NSD3: variants seen among roughly 807,000 people sequenced by gnomAD.
NSD3 encodes the protein nuclear receptor binding SET domain protein 3, also known as histone-lysine N-methyltransferase NSD3.
Under a neutral mutation model 160.8 loss-of-function variants are expected in NSD3, and 24 were observed. The ratio of observed to expected loss-of-function variants is 0.15; its 90% CI spans 0.11 to 0.21. The LOEUF (loss-of-function observed/expected upper bound fraction) is 0.21. Among genes scored for constraint, NSD3 ranks in the 10% least tolerant of loss-of-function variants. The pLI is 1.00. For synonymous variants in NSD3, 520 were observed against 600.0 expected (o/e 0.87, Z 1.95); for missense variants, 1,157 against 1,735.9 (o/e 0.67, Z 5.93).
intron 22 of NSD3, 58 bp from the exon 23 acceptor site, chr8:38,276,558 C>T: frequency 6.3e-7 from 1 of 1,577,460 alleles, no homozygotes. Context: ...TGAAGCTGGA[C>T]ACAGGAAAAC....
At chr8:38,379,393 C>T (rs919481469) in intron 1 of NSD3, among the ~76,000 whole-genome samples, 25 of 151,504 alleles carry the variant, frequency 1.7e-4, no homozygotes, top group African/African-American at 5.6e-4. Context: ...AGCTCATGCA[C>T]ACAATTTACC....
intron 2 of NSD3, among the ~76,000 whole-genome samples, chr8:38,340,365 T>C (rs1810332039): frequency 6.6e-6 from 1 of 152,226 alleles, no homozygotes; most frequent in Non-Finnish European, 1.5e-5. Flanking sequence ...GACAGAGTCT[T>C]ACTCTGCTGT....
At chr8:38,327,609 T>C (rs1445854971) in intron 6 of NSD3, among the ~76,000 whole-genome samples, 1 of 152,220 alleles carries the variant, frequency 6.6e-6, no homozygotes, top group Non-Finnish European at 1.5e-5. Context: ...CTAAAAAATA[T>C]ACCTGTATCA....
chr8:38,313,775 G>A (rs542310297), intron 12 of NSD3, among the ~76,000 whole-genome samples: 67 of 143,908 alleles, frequency 4.7e-4, no homozygotes, highest in Non-Finnish European at 8.3e-4. Context: ...GCGACAGAGC[G>A]AGACTCTGTC....
chr8:38,310,843 G>C (rs1371382554), intron 12 of NSD3, among the ~76,000 whole-genome samples: 1 of 151,936 alleles, frequency 6.6e-6, no homozygotes, highest in African/African-American at 2.4e-5. Context: ...TATATACCCA[G>C]AGTGAAATTG....
At chr8:38,331,692 C>T (rs1025480589) in intron 4 of NSD3, 107 bp from the exon 5 acceptor site, 3 of 1,167,800 alleles carry the variant, frequency 2.6e-6, no homozygotes, top group East Asian at 2.4e-5. Context: ...CCCACTAAAA[C>T]TTGTATGTTT....
At chr8:38,354,413 CAG>C (rs1810773161) in intron 1 of NSD3, among the ~76,000 whole-genome samples, 1 of 152,172 alleles carries the variant, frequency 6.6e-6, no homozygotes. Flanking sequence ...AAAGATTAAA[CAG>C]ATATTGTGGA....
intron 1 of NSD3, among the ~76,000 whole-genome samples, chr8:38,367,537 C>A (rs1446521480): frequency 6.6e-6 from 1 of 151,968 alleles, no homozygotes; most frequent in Middle Eastern, 3.2e-3. Flanking sequence ...CATGGTGAAA[C>A]CTTGTCTCTA....
rs190666827 is a variant in NSD3, at chr8:38,322,740, C to G, written c.1709-1568G>C. On this transcript the variant is annotated intron_variant, in intron 7 of 23. Coordinates refer to ENST00000317025, the MANE Select transcript of NSD3 (RefSeq NM_023034.2). Reference sequence around the variant, plus strand: ...TGGGTTTGGAAAATAACTTTGAAATCTAGTGTGAATACAAGTACAGTTCTT... The same window carrying G: ...TGGGTTTGGAAAATAACTTTGAAATGTAGTGTGAATACAAGTACAGTTCTT... Among the ~76,000 whole-genome samples, 5 of 152,256 alleles carry G rather than the reference C, an allele frequency of 3.3e-5. No homozygotes were observed. The East Asian group carries it at 9.6e-4, about 29-fold the overall frequency.
intron 2 of NSD3, among the ~76,000 whole-genome samples, chr8:38,339,836 T>C (rs1460109923): frequency 6.6e-6 from 1 of 152,090 alleles, no homozygotes; most frequent in Non-Finnish European, 1.5e-5. Flanking sequence ...AATCACATTG[T>C]AGAAATTTAT....
intron 1 of NSD3, among the ~76,000 whole-genome samples, chr8:38,352,386 C>T (rs552135132): frequency 1.2e-4 from 19 of 152,288 alleles, no homozygotes; most frequent in African/African-American, 3.4e-4. Context: ...GGATCCAGAG[C>T]GCTCTCATTT....
intron 6 of NSD3, among the ~76,000 whole-genome samples, chr8:38,328,031 G>A (rs1341484899): frequency 6.6e-6 from 1 of 151,932 alleles, no homozygotes; most frequent in Non-Finnish European, 1.5e-5. Flanking sequence ...GTGAGACCCT[G>A]TCTCTACAAA....
Position 38,347,218 on chromosome 8 carries a change from C to A in NSD3, c.675+279G>T, listed in dbSNP as rs527627077. 2.8e-4 allele frequency among the ~76,000 whole-genome samples: 42 copies of A among 152,270 alleles called. No homozygotes were observed. In the East Asian group the frequency reaches 8.1e-3, roughly 29 times the overall value. On this transcript the variant is annotated intron_variant, in intron 2 of 23. Coordinates refer to ENST00000317025, the MANE Select transcript of NSD3 (RefSeq NM_023034.2). ...CTCTTGATTTTCAAAAACCAACAGT[C>A]TATTGTAAGCAAATAAAAATAACCG...
rs906811277 is a variant in NSD3, at chr8:38,288,963, T to C, written c.3232-207A>G. Among the ~76,000 whole-genome samples the C allele has an allele frequency of 1.3e-4, 20 of 152,226 alleles. No homozygotes were observed. The highest frequency in any genetic ancestry group is 4.8e-4 in the African/African-American group (20 of 41,456). On this transcript the variant is annotated intron_variant, in intron 18 of 23. Coordinates refer to ENST00000317025, the MANE Select transcript of NSD3 (RefSeq NM_023034.2). The surrounding 1 kb of genome is among the most constrained non-coding windows in gnomAD (Gnocchi z 4.5). ...AAAGCCTCATGTGAATTTTCACTTA[T>C]TTATCCTGGGTATTTCTACTTTCAC...
intron 12 of NSD3, among the ~76,000 whole-genome samples, chr8:38,312,100 T>C (rs1442099904): frequency 1.3e-5 from 2 of 152,216 alleles, no homozygotes; most frequent in South Asian, 4.1e-4. Context: ...CATTTGACCA[T>C]ATATGCAAGT....
Position 38,271,431 on chromosome 8 carries a change from G to GCC in NSD3, c.*4209_*4210insGG, listed in dbSNP as rs1289588804. 6.6e-6 allele frequency: 1 copy of GCC among 151,938 alleles called. No homozygotes were observed. Among genetic ancestry groups the GCC allele is most frequent in the Non-Finnish European group, 1.5e-5 (1 of 67,976 alleles). 9.4% of individuals were successfully genotyped at this position (151,938 alleles called of 1,614,324 possible). A position where few individuals can be genotyped will look rare whatever the true frequency, so the allele number is the denominator to read the frequency against. On this transcript the variant is annotated 3_prime_UTR_variant, in exon 24 of 24. Coordinates refer to ENST00000317025, the MANE Select transcript of NSD3 (RefSeq NM_023034.2). Reference sequence around the variant, plus strand: ...CTTACCCTTTACCAGGAGAAAGGGGGTTCCCTTTCTCCTGGTACCCCACCC... The same window carrying GCC: ...CTTACCCTTTACCAGGAGAAAGGGGGCCTTCCCTTTCTCCTGGTACCCCACCC...
intron 12 of NSD3, among the ~76,000 whole-genome samples, chr8:38,309,273 G>C (rs962040370): frequency 6.6e-6 from 1 of 152,146 alleles, no homozygotes; most frequent in African/African-American, 2.4e-5. Flanking sequence ...TTCGGGGCTA[G>C]CCTGGCCAAC....
At chr8:38,315,311 CATA>C (rs1809630949) in intron 11 of NSD3, 102 bp downstream of exon 11, 3 of 1,303,618 alleles carry the variant, frequency 2.3e-6, no homozygotes, top group South Asian at 3.7e-5. Flanking sequence ...AAAGTAATAT[CATA>C]ATAATTTGGA....
intron 12 of NSD3, among the ~76,000 whole-genome samples, chr8:38,305,759 A>G (rs891156478): frequency 6.6e-6 from 1 of 152,196 alleles, no homozygotes; most frequent in Non-Finnish European, 1.5e-5. Context: ...CCCCACATAG[A>G]ATAAATAAAT....
Sources: allele counts gnomAD v4.1 joint callset (sites outside exome capture counted in the v4.1 genomes callset), GRCh38; gene constraint gnomAD v4.1.1; non-coding constraint Gnocchi (gnomAD v3.1); transcripts MANE v1.5; gene names NCBI Gene and HGNC (gene_info 2026-07-23, HGNC 2026-07-21).